The following VWA8 variants were observed in gnomAD, a reference collection of about 807,000 sequenced individuals.
The protein encoded by VWA8 is von Willebrand factor A domain-containing protein 8.
A neutral mutation model predicts 241.5 loss-of-function variants in VWA8; 221 were observed. That is an observed-to-expected ratio of 0.91 (90% CI 0.82 to 1.02). The LOEUF is 1.02. Among genes scored for constraint, VWA8 ranks in the 50% least tolerant of loss-of-function variants. VWA8 has a pLI of 0.00. For missense variants in VWA8, 2,322 were observed against 2,328.7 expected, an observed-to-expected ratio of 1.00 and a Z score of 0.06; for synonymous variants, 852 against 827.1, an observed-to-expected ratio of 1.03 and a Z score of -0.52.
intron 3 of VWA8, among the ~76,000 whole-genome samples, chr13:41,909,279 C>T (rs536674658): frequency 5.2e-4 from 79 of 152,262 alleles, no homozygotes; most frequent in African/African-American, 1.9e-3. Flanking sequence ...AGACTGATCT[C>T]GAACTCTTGA....
At chr13:41,829,530 TACACACACACACACAC>T (rs71096546) in intron 14 of VWA8, among the ~76,000 whole-genome samples, 3 of 139,720 alleles carry the variant, frequency 2.1e-5, no homozygotes, top group African/African-American at 7.7e-5. Flanking sequence ...GGAAATGTGA[TACACACACACACACAC>T]ACACACACAC....
Position 41,880,904 on chromosome 13 carries a change from G to A in VWA8, c.1080+2483C>T, listed in dbSNP as rs2138070365. Among the ~76,000 whole-genome samples the A allele has an allele frequency of 1.3e-5, 2 of 152,296 alleles. 1 individual carries two copies. Among genetic ancestry groups the A allele is most frequent in the South Asian group, 4.1e-4 (2 of 4,826 alleles). ...ATGTCAATACCCTGTGTCTCATAGA[G>A]GCTCCACCTGCCAGCTTTAACATCC... On this transcript the variant is annotated intron_variant, in intron 9 of 44. Coordinates refer to ENST00000379310, the MANE Select transcript of VWA8 (RefSeq NM_015058.2).
chr13:41,829,246 T>C (rs1336916227), intron 14 of VWA8, among the ~76,000 whole-genome samples: 1 of 152,150 alleles, frequency 6.6e-6, no homozygotes, highest in Non-Finnish European at 1.5e-5. Flanking sequence ...AAATAATACA[T>C]GTTGGCATGC....
Position 41,833,419 on chromosome 13 carries a change from A to G in VWA8, c.1538T>C (p.Leu513Pro). The G allele has an allele frequency of 6.2e-7, 1 of 1,614,008 alleles. No homozygotes were observed. The highest frequency in any genetic ancestry group is 1.1e-5 in the South Asian group (1 of 91,070). The change falls in exon 13 of 45, where the codon CTG becomes CCG. Residue 513 changes from leucine to proline, a missense_variant. Physicochemically the swap from Leu to Pro is moderately conservative, Grantham distance 98 (BLOSUM62 -3). Coordinates refer to ENST00000379310, the MANE Select transcript of VWA8 (RefSeq NM_015058.2). ...NAALEGKLVLLDGIHRVNAGT... is the reference protein window; with the variant it reads ...NAALEGKLVLPDGIHRVNAGT... The stretch of plus-strand genomic sequence containing the variant: ...CGCATTCACCCGGTGAATGCCATCC[A>G]GCAGGACCAGCTTGCCTTCCAGAGC...
At chr13:41,679,155 GTATAAGTTGTATTTAGGGATTAGT>G (rs1463594441) in intron 35 of VWA8, among the ~76,000 whole-genome samples, 1 of 152,126 alleles carries the variant, frequency 6.6e-6, no homozygotes, top group East Asian at 1.9e-4. Context: ...TCAAAGATAG[GTATAAGTTGTATTTAGGGATTAGT>G]TCACTAACCA....
At chr13:41,735,870 T>A (rs997442933) in intron 21 of VWA8, among the ~76,000 whole-genome samples, 4 of 152,142 alleles carry the variant, frequency 2.6e-5, no homozygotes, top group Non-Finnish European at 5.9e-5. Flanking sequence ...ATATAGTATT[T>A]CTTTTTCAGA....
chr13:41,931,081 G>A (rs1404665545), intron 2 of VWA8, among the ~76,000 whole-genome samples: 5 of 150,230 alleles, frequency 3.3e-5, no homozygotes, highest in East Asian at 2.0e-4. Context: ...CCCGGGAGAC[G>A]AAGGTTGCAG....
intron 17 of VWA8, among the ~76,000 whole-genome samples, chr13:41,800,534 A>C (rs1424970906): frequency 1.3e-5 from 2 of 152,074 alleles, no homozygotes; most frequent in Non-Finnish European, 2.9e-5. Flanking sequence ...CACACCTGTA[A>C]TTCTAGCACT....
intron 4 of VWA8, among the ~76,000 whole-genome samples, chr13:41,900,884 C>A (rs182879705): frequency 1.3e-5 from 2 of 152,018 alleles, no homozygotes; most frequent in African/African-American, 4.8e-5. Flanking sequence ...AGAATAGAAT[C>A]GGATTGATTT....
In VWA8 at chr13:41,626,913, G is replaced by A. The variant is rs114895219; in HGVS notation, c.4612-11829C>T. 4.6e-3 allele frequency among the ~76,000 whole-genome samples: 698 copies of A among 152,226 alleles called. 9 individuals are homozygous for A. The highest frequency in any genetic ancestry group is 0.016 in the African/African-American group (657 of 41,546). ...GCAATTGCAGCAAAAACAAAAATTG[G>A]TAAGTGGAACCTACTTAAACTAAAG... is the stretch of plus-strand genomic sequence containing the variant. On this transcript the variant is annotated intron_variant, in intron 37 of 44. Coordinates refer to ENST00000379310, the MANE Select transcript of VWA8 (RefSeq NM_015058.2).
intron 16 of VWA8, among the ~76,000 whole-genome samples, chr13:41,813,678 T>C (rs1455155630): frequency 6.6e-6 from 1 of 152,130 alleles, no homozygotes; most frequent in African/African-American, 2.4e-5. Flanking sequence ...GTTCTTCTAG[T>C]TGAAAGCACC....
intron 2 of VWA8, among the ~76,000 whole-genome samples, chr13:41,919,181 GA>G (rs1472853685): frequency 6.6e-6 from 1 of 152,164 alleles, no homozygotes; most frequent in African/African-American, 2.4e-5. Context: ...CATAGAGAAG[GA>G]AAGGAAACTT....
At chr13:41,833,552 C>T in intron 12 of VWA8, 21 bp from the exon 13 acceptor site, 1 of 1,582,148 alleles carries the variant, frequency 6.3e-7, no homozygotes, top group Non-Finnish European at 8.6e-7. Flanking sequence ...TCCCCACCAC[C>T]CAACAAAGAA....
chr13:41,567,796 C>T lies in VWA8; in HGVS notation c.*401G>A, dbSNP rs1295167107. ...ACTTGCATCTTGTGTCAGAATGTGA[C>T]ATCAAAGGCTCAGTTTGATGGGGTC... On this transcript the variant is annotated 3_prime_UTR_variant, in exon 45 of 45. Coordinates refer to ENST00000379310, the MANE Select transcript of VWA8 (RefSeq NM_015058.2). 5 of 159,620 alleles carry T rather than the reference C, an allele frequency of 3.1e-5. No individual in the cohort carries two copies. Among genetic ancestry groups the T allele is most frequent in the Non-Finnish European group, 4.1e-5 (3 of 72,922 alleles). 9.9% of individuals were successfully genotyped at this position (159,620 alleles called of 1,614,324 possible).
In VWA8 at chr13:41,936,986, C is replaced by T. The variant is rs1410566442; in HGVS notation, c.241+12950G>A. 2.0e-5 allele frequency among the ~76,000 whole-genome samples: 3 copies of T among 152,270 alleles called. No individual in the cohort carries two copies. In the East Asian group the frequency reaches 5.8e-4, roughly 29 times the overall value. On this transcript the variant is annotated intron_variant, in intron 2 of 44. Transcript: ENST00000379310. ...CTAGTGATGTCATAGTGTCATAACA[C>T]TGTAGTTAATGCATTACCTTTTCAA...
intron 29 of VWA8, among the ~76,000 whole-genome samples, chr13:41,696,499 C>A (rs1022059365): frequency 6.6e-6 from 1 of 152,140 alleles, no homozygotes; most frequent in Non-Finnish European, 1.5e-5. Flanking sequence ...TTCCCCAAAT[C>A]TGTAGTGAGT....
chr13:41,901,644 G>A (rs145835059), intron 4 of VWA8, among the ~76,000 whole-genome samples: 3,320 of 151,722 alleles, frequency 0.022, 52 homozygotes, highest in Non-Finnish European at 0.032. Flanking sequence ...GAGGTATGCG[G>A]ATCACCTGAG....
intron 40 of VWA8, among the ~76,000 whole-genome samples, chr13:41,599,541 G>A (rs1481063017): frequency 1.3e-5 from 2 of 151,948 alleles, no homozygotes; most frequent in East Asian, 3.9e-4. Flanking sequence ...TGTTTTCTGT[G>A]TCCTTATTCT....
At chr13:41,921,085 G>A (rs527951706) in intron 2 of VWA8, among the ~76,000 whole-genome samples, 70 of 152,150 alleles carry the variant, frequency 4.6e-4, no homozygotes, top group African/African-American at 1.4e-3. Context: ...AAGCTTATCC[G>A]CCATGATCAA....
Sources: allele counts gnomAD v4.1 joint callset (sites outside exome capture counted in the v4.1 genomes callset), GRCh38; gene constraint gnomAD v4.1.1; transcripts MANE v1.5; gene names NCBI Gene and HGNC (gene_info 2026-07-23, HGNC 2026-07-21).